EXOC6: variants seen among roughly 807,000 people sequenced by gnomAD.
EXOC6 encodes the protein SEC15-like 1.
Under a neutral mutation model 112.5 loss-of-function variants are expected in EXOC6, and 60 were observed. The ratio of observed to expected loss-of-function variants is 0.53; its 90% CI spans 0.43 to 0.66. EXOC6 has a LOEUF of 0.66. EXOC6 is among the 30% of genes least tolerant of loss of function. The pLI is 0.00. For missense variants in EXOC6, 855 were observed against 957.1 expected (o/e 0.89, Z 1.41); for synonymous variants, 295 against 308.0 (o/e 0.96, Z 0.44).
At chr10:92,854,233 A>C (rs1324068635) in intron 1 of EXOC6, among the ~76,000 whole-genome samples, 1 of 152,096 alleles carries the variant, frequency 6.6e-6, no homozygotes, top group Non-Finnish European at 1.5e-5. Flanking sequence ...AGGTCAAGAG[A>C]TTGAAACCAT....
intron 1 of EXOC6, among the ~76,000 whole-genome samples, chr10:92,876,635 C>CCTA (rs1589746818): frequency 6.6e-6 from 1 of 152,160 alleles, no homozygotes; most frequent in East Asian, 1.9e-4. Flanking sequence ...AAGGGAGGGT[C>CCTA]CTGTATGTCC....
chr10:92,934,268 GT>G (rs397845003), intron 10 of EXOC6, 41 bp from the exon 11 acceptor site: 26,242 of 1,038,428 alleles, frequency 0.025, 4 homozygotes, highest in South Asian at 0.048. Flanking sequence ...TTCTATTAGG[GT>G]TTTTTTTTTT....
chr10:92,833,053 G>A (rs1393743076), upstream of EXOC6, among the ~76,000 whole-genome samples: 4 of 152,218 alleles, frequency 2.6e-5, no homozygotes, highest in Non-Finnish European at 4.4e-5. Context: ...TATTGGTGCT[G>A]CATTTGTTCC....
chr10:93,011,893 G>A (rs1844265895), intron 19 of EXOC6, among the ~76,000 whole-genome samples: 7 of 152,180 alleles, frequency 4.6e-5, no homozygotes, highest in Admixed American at 4.6e-4. Flanking sequence ...ACCACTTATT[G>A]TCTAACAAGA....
At chr10:92,833,865 T>C (rs1442243203), upstream of EXOC6, among the ~76,000 whole-genome samples, 12 of 152,018 alleles carry the variant, frequency 7.9e-5, no homozygotes. Flanking sequence ...GGGCTGGTTG[T>C]AGGGCACATT....
upstream of EXOC6, chr10:92,834,610 C>T: frequency 1.4e-6 from 1 of 694,694 alleles, no homozygotes; most frequent in Non-Finnish European, 2.3e-6. Context: ...GTTTTTGTTG[C>T]TCCTTTGGGT....
intron 5 of EXOC6, among the ~76,000 whole-genome samples, chr10:92,902,846 T>C (rs1464547485): frequency 6.6e-6 from 1 of 152,082 alleles, no homozygotes; most frequent in African/African-American, 2.4e-5. Flanking sequence ...AGAATTGATA[T>C]AAATGGAATC....
chr10:92,883,317 T>G (rs1037710682), intron 1 of EXOC6, among the ~76,000 whole-genome samples: 20 of 152,312 alleles, frequency 1.3e-4, no homozygotes, highest in African/African-American at 4.6e-4. Context: ...TTCTATTGTT[T>G]CTTTGTGTTT....
At chr10:92,905,176 CT>C (rs1384967906) in intron 5 of EXOC6, among the ~76,000 whole-genome samples, 2 of 151,952 alleles carry the variant, frequency 1.3e-5, no homozygotes, top group African/African-American at 4.8e-5. Flanking sequence ...AATATTATAA[CT>C]TTATACAGTA....
chr10:92,979,925 C>T (rs978528086), intron 18 of EXOC6, among the ~76,000 whole-genome samples: 1 of 150,696 alleles, frequency 6.6e-6, no homozygotes, highest in Middle Eastern at 3.5e-3. Flanking sequence ...AAAAAATCCC[C>T]TCACCTTGCC....
intron 20 of EXOC6, among the ~76,000 whole-genome samples, chr10:93,025,560 ATTTAC>A (rs1844992932): frequency 1.3e-5 from 2 of 152,296 alleles, no homozygotes; most frequent in African/African-American, 4.8e-5. Flanking sequence ...CACAATAATA[ATTTAC>A]TTAACCCATT....
chr10:92,992,824 T>A (rs76000325), intron 18 of EXOC6, among the ~76,000 whole-genome samples: 2 of 151,980 alleles, frequency 1.3e-5, no homozygotes, highest in African/African-American at 4.8e-5. Flanking sequence ...AAAATACACA[T>A]ACTCTTTAGG....
At chr10:92,962,040 A>G (rs1854032611) in intron 17 of EXOC6, among the ~76,000 whole-genome samples, 1 of 152,232 alleles carries the variant, frequency 6.6e-6, no homozygotes, top group South Asian at 2.1e-4. Flanking sequence ...GTGACCTGTG[A>G]CAATCTCAGA....
intron 20 of EXOC6, among the ~76,000 whole-genome samples, chr10:93,022,279 A>C (rs1208239449): frequency 1.3e-5 from 2 of 152,204 alleles, no homozygotes; most frequent in African/African-American, 4.8e-5. Context: ...ATCTATTATG[A>C]AACATGTAGA....
intron 4 of EXOC6, among the ~76,000 whole-genome samples, chr10:92,896,019 G>A (rs1178910558): frequency 7.2e-6 from 1 of 139,542 alleles, no homozygotes; most frequent in Non-Finnish European, 1.5e-5. Context: ...GTGTATATAT[G>A]TGTATATATA....
intron 1 of EXOC6, among the ~76,000 whole-genome samples, chr10:92,842,330 G>A (rs2133592195): frequency 7.0e-6 from 1 of 142,338 alleles, no homozygotes; most frequent in East Asian, 2.0e-4. Context: ...TTGCACTCCA[G>A]CCTGGGCAAC....
intron 1 of EXOC6, among the ~76,000 whole-genome samples, chr10:92,864,258 A>G (rs1323971702): frequency 1.3e-5 from 2 of 152,234 alleles, no homozygotes; most frequent in Non-Finnish European, 2.9e-5. Flanking sequence ...AACAAGCCCA[A>G]CAAGATTAAG....
intron 18 of EXOC6, among the ~76,000 whole-genome samples, 184 bp from the exon 19 acceptor site, chr10:92,997,289 TA>T (rs1270793248): frequency 6.6e-6 from 1 of 152,166 alleles, no homozygotes; most frequent in African/African-American, 2.4e-5. Context: ...CTAAGAATAT[TA>T]ATGTTAATTT....
intron 1 of EXOC6, among the ~76,000 whole-genome samples, chr10:92,865,755 A>T (rs1282889659): frequency 3.3e-5 from 5 of 151,964 alleles, no homozygotes; most frequent in Non-Finnish European, 7.4e-5. Flanking sequence ...AAACTTAACT[A>T]CTAATGGCCT....
Sources: gnomAD v4.1 joint callset for allele counts (sites outside exome capture counted in the v4.1 genomes callset) on GRCh38, gnomAD v4.1.1 for gene constraint, MANE v1.5 for transcripts, NCBI Gene and HGNC (gene_info 2026-07-23, HGNC 2026-07-21) for gene names.